KLHDC1: variants seen among roughly 807,000 people sequenced by gnomAD.
The protein encoded by KLHDC1 is kelch domain containing 1, also known as kelch domain-containing protein 1.
A neutral mutation model predicts 68.3 loss-of-function variants in KLHDC1; 53 were observed. That is an observed-to-expected ratio of 0.78 (90% CI 0.62 to 0.98). The LOEUF is 0.98. KLHDC1 is among the 50% of genes least tolerant of loss of function. The probability of loss-of-function intolerance (pLI) is 0.00; values close to 1 mark genes in which losing one functional copy is unlikely to be tolerated. For missense variants in KLHDC1, 470 were observed against 492.3 expected (o/e 0.95, Z 0.43); for synonymous variants, 148 against 159.0 (o/e 0.93, Z 0.52).
intron 10 of KLHDC1, among the ~76,000 whole-genome samples, chr14:49,737,875 A>C (rs530869849): frequency 2.6e-5 from 4 of 151,634 alleles, no homozygotes; most frequent in East Asian, 1.9e-4. Flanking sequence ...AAAAAAAAAA[A>C]AAAAAAAAAA....
chr14:49,707,338 CTTTTTTTTTTTTT>C (rs1191432812), intron 1 of KLHDC1, among the ~76,000 whole-genome samples: 1 of 61,774 alleles, frequency 1.6e-5, no homozygotes, highest in African/African-American at 6.5e-5. Context: ...ACAAGATATT[CTTTTTTTTTTTTT>C]TTTTTTTTTT....
intron 10 of KLHDC1, among the ~76,000 whole-genome samples, chr14:49,736,510 T>C (rs1236340194): frequency 6.6e-6 from 1 of 152,068 alleles, no homozygotes; most frequent in African/African-American, 2.4e-5. Context: ...GAAGAACAGG[T>C]GGGATACAGT....
At chr14:49,714,557 T>C (rs528925212) in intron 4 of KLHDC1, among the ~76,000 whole-genome samples, 2 of 151,980 alleles carry the variant, frequency 1.3e-5, no homozygotes, top group African/African-American at 4.8e-5. Flanking sequence ...GAGGATCCCT[T>C]GAGGACAGGG....
intron 4 of KLHDC1, among the ~76,000 whole-genome samples, chr14:49,713,460 T>C (rs187517696): frequency 6.6e-6 from 1 of 152,290 alleles, no homozygotes; most frequent in African/African-American, 2.4e-5. Context: ...AACCCTAAGA[T>C]ACTGTTTGTA....
At chr14:49,742,083 T>C (rs1889078214) in intron 11 of KLHDC1, among the ~76,000 whole-genome samples, 1 of 152,220 alleles carries the variant, frequency 6.6e-6, no homozygotes. Context: ...GAGCTTTCTT[T>C]GGCTGAGAAT....
chr14:49,704,387 G>GTTTTTTTTTTTTTTTTTTTTTTTTTTTTT (rs35067251), intron 1 of KLHDC1, among the ~76,000 whole-genome samples: 11 of 68,716 alleles, frequency 1.6e-4, no homozygotes, highest in Non-Finnish European at 2.0e-4. Context: ...TTCCTTTTCT[G>GTTTTTTTTTTTTTTTTTTTTTTTTTTTTT]TTTTTTTTTT....
intron 6 of KLHDC1, among the ~76,000 whole-genome samples, chr14:49,727,924 A>G (rs550490891): frequency 6.6e-6 from 1 of 152,270 alleles, no homozygotes; most frequent in Admixed American, 6.5e-5. Flanking sequence ...ATTAAAATAC[A>G]TACATAAAGG....
chr14:49,705,231 G>A (rs2139733829), intron 1 of KLHDC1, among the ~76,000 whole-genome samples: 1 of 152,174 alleles, frequency 6.6e-6, no homozygotes, highest in South Asian at 2.1e-4. Flanking sequence ...AAGGCAACTT[G>A]AAGTTTCGAG....
At chr14:49,698,784 G>A (rs1382128717) in intron 1 of KLHDC1, among the ~76,000 whole-genome samples, 1 of 152,020 alleles carries the variant, frequency 6.6e-6, no homozygotes, top group African/African-American at 2.4e-5. Flanking sequence ...CCAAAGTGCT[G>A]GGATTTCAGG....
intron 11 of KLHDC1, among the ~76,000 whole-genome samples, chr14:49,742,668 G>A (rs151061446): frequency 0.15 from 19,296 of 124,668 alleles, 1,584 homozygotes; most frequent in Middle Eastern, 0.23. Flanking sequence ...GCGAGACTCC[G>A]TCCTAAAAAA....
chr14:49,723,068 CAA>C (rs1430319320), intron 4 of KLHDC1, among the ~76,000 whole-genome samples: 1 of 98,228 alleles, frequency 1.0e-5, no homozygotes, highest in Non-Finnish European at 1.8e-5. Flanking sequence ...GCCTGGGCAA[CAA>C]GAGTGAGACT....
At chr14:49,747,310 C>T (rs1889225144) in intron 12 of KLHDC1, among the ~76,000 whole-genome samples, 1 of 152,154 alleles carries the variant, frequency 6.6e-6, no homozygotes, top group Admixed American at 6.5e-5. Flanking sequence ...CAATTTTAAT[C>T]CCCTTCTCCA....
intron 12 of KLHDC1, among the ~76,000 whole-genome samples, chr14:49,748,779 T>A (rs923494214): frequency 6.6e-6 from 1 of 151,686 alleles, no homozygotes; most frequent in African/African-American, 2.4e-5. Context: ...TATATGTATA[T>A]ATATACTGAG....
At chr14:49,719,135 A>G (rs1341876795) in intron 4 of KLHDC1, among the ~76,000 whole-genome samples, 1 of 151,426 alleles carries the variant, frequency 6.6e-6, no homozygotes, top group Non-Finnish European at 1.5e-5. Flanking sequence ...TCCAACCTTT[A>G]TCATTTTCTT....
At chr14:49,746,759 T>G (rs2139770736) in intron 12 of KLHDC1, among the ~76,000 whole-genome samples, 1 of 152,298 alleles carries the variant, frequency 6.6e-6, no homozygotes, top group Middle Eastern at 3.4e-3. Flanking sequence ...TTTTAGCATC[T>G]GTGTGGAGAA....
At position 49,708,893 on chromosome 14, in the gene KLHDC1, CTTTTAAAGGT is replaced by C. The variant is rs1888127489; in HGVS notation, c.97-263_97-254del. On this transcript the variant is annotated intron_variant, in intron 1 of 12. Coordinates refer to ENST00000359332, the MANE Select transcript of KLHDC1 (RefSeq NM_172193.3). ...TGCTATTTTCTTTTACATAAAGCCCCTTTTAAAGGTTTAATTGCCCTAATTATTTTCTTGA... is the reference window on the plus strand; with the variant it reads ...TGCTATTTTCTTTTACATAAAGCCCCTTAATTGCCCTAATTATTTTCTTGA... The C allele has an allele frequency of 1.4e-5, 3 of 213,130 alleles. No individual in the cohort carries two copies. The East Asian group carries it at 3.1e-4, about 22-fold the overall frequency. 13.2% of individuals were successfully genotyped at this position (213,130 alleles called of 1,614,324 possible). A position where few individuals can be genotyped will look rare whatever the true frequency, so the allele number is the denominator to read the frequency against.
At chr14:49,720,664 C>G (rs1656193525) in intron 4 of KLHDC1, among the ~76,000 whole-genome samples, 1 of 152,078 alleles carries the variant, frequency 6.6e-6, no homozygotes, top group African/African-American at 2.4e-5. Flanking sequence ...CTCCATCTTT[C>G]TTTGTCTCCC....
At chr14:49,723,106 A>G (rs1254459147) in intron 4 of KLHDC1, among the ~76,000 whole-genome samples, 4 of 150,742 alleles carry the variant, frequency 2.7e-5, no homozygotes, top group African/African-American at 9.7e-5. Flanking sequence ...AAAAAAAAAA[A>G]AAAAAAAAGA....
chr14:49,735,296 A>G (rs1401678809), intron 10 of KLHDC1, among the ~76,000 whole-genome samples: 4 of 152,016 alleles, frequency 2.6e-5, no homozygotes, highest in African/African-American at 9.7e-5. Flanking sequence ...ATATCTTCAT[A>G]GGAAATTCAG....
Sources: gnomAD v4.1 joint callset for allele counts (sites outside exome capture counted in the v4.1 genomes callset) on GRCh38, gnomAD v4.1.1 for gene constraint, MANE v1.5 for transcripts, NCBI Gene and HGNC (gene_info 2026-07-23, HGNC 2026-07-21) for gene names.